Variants in SHISA9 observed in about 807,000 individuals in gnomAD.
SHISA9 encodes shisa family member 9, also known as protein shisa-9.
SHISA9 carries 13 observed loss-of-function variants against 38.0 expected under a neutral mutation model. That is an observed-to-expected ratio of 0.34 (90% CI 0.22 to 0.54). SHISA9 has a LOEUF of 0.54. Among genes scored for constraint, SHISA9 ranks in the 20% least tolerant of loss-of-function variants. The pLI, the probability that SHISA9 is intolerant of heterozygous loss-of-function variation, is 0.91. For synonymous variants in SHISA9, 275 were observed against 242.0 expected, an observed-to-expected ratio of 1.14 and a Z score of -1.27; for missense variants, 538 against 575.8, an observed-to-expected ratio of 0.93 and a Z score of 0.67.
the SHISA9 span, among the ~76,000 whole-genome samples, chr16:13,451,230 C>G: frequency 1.3e-5 from 2 of 152,152 alleles, no homozygotes; most frequent in South Asian, 4.1e-4. Context: ...TCCAGCTGCC[C>G]CGTGGTAACT....
chr16:13,037,551 A>G (rs761086701), intron 2 of SHISA9, among the ~76,000 whole-genome samples: 6 of 151,954 alleles, frequency 3.9e-5, no homozygotes, highest in Non-Finnish European at 7.4e-5. Flanking sequence ...GAATGGGGGC[A>G]GAGATGAACT....
At chr16:13,515,861 A>G in the SHISA9 span, among the ~76,000 whole-genome samples, 3 of 152,226 alleles carry the variant, frequency 2.0e-5, no homozygotes, top group African/African-American at 7.2e-5. Flanking sequence ...AAACAGCTAT[A>G]ATATACTGAG....
intron 2 of SHISA9, among the ~76,000 whole-genome samples, chr16:13,035,262 C>A (rs557079293): frequency 6.6e-6 from 1 of 152,298 alleles, no homozygotes; most frequent in East Asian, 1.9e-4. Flanking sequence ...GTAGGTTGCA[C>A]TAGCTCTATT....
chr16:13,562,463 C>T, the SHISA9 span, among the ~76,000 whole-genome samples: 1 of 151,970 alleles, frequency 6.6e-6, no homozygotes, highest in Non-Finnish European at 1.5e-5. Flanking sequence ...AACCCCATCT[C>T]TACTAAAAAT....
rs536282973 is a variant in SHISA9 at position 13,240,368 on chromosome 16, C to T, written c.*4959C>T. On this transcript the variant is annotated 3_prime_UTR_variant, in exon 5 of 5. Transcript: ENST00000558583. ...GTTTATTTGTAAACATATGTATTCA[C>T]TATATTAATATGAATTTCTTACCTG... The T allele has an allele frequency of 5.3e-5, 8 of 152,170 alleles. No homozygotes were observed. Among genetic ancestry groups the T allele is most frequent in the Non-Finnish European group, 1.2e-4 (8 of 68,034 alleles). The allele number at this position is 152,170 out of a possible 1,614,324, so 9.4% of individuals were successfully genotyped here. A position where few individuals can be genotyped will look rare whatever the true frequency, so the allele number is the denominator to read the frequency against.
chr16:13,485,660 C>G, the SHISA9 span, among the ~76,000 whole-genome samples: 2 of 152,128 alleles, frequency 1.3e-5, no homozygotes, highest in African/African-American at 4.8e-5. Flanking sequence ...CATTTCAATT[C>G]TTCTCTTCTA....
the SHISA9 span, among the ~76,000 whole-genome samples, chr16:13,266,540 C>T: frequency 6.6e-6 from 1 of 152,118 alleles, no homozygotes; most frequent in Admixed American, 6.5e-5. Context: ...GCAGCATTCC[C>T]ACAGGTACTG....
At chr16:13,329,045 C>T in the SHISA9 span, among the ~76,000 whole-genome samples, 1 of 152,050 alleles carries the variant, frequency 6.6e-6, no homozygotes, top group East Asian at 1.9e-4. Flanking sequence ...TTAAAAATGG[C>T]GCCTCCATCT....
chr16:13,101,129 T>G (rs548051220), intron 2 of SHISA9, among the ~76,000 whole-genome samples: 1 of 152,134 alleles, frequency 6.6e-6, no homozygotes, highest in Non-Finnish European at 1.5e-5. Context: ...GAGAGGGAAG[T>G]GGGGAGATAT....
At chr16:13,539,501 T>G in the SHISA9 span, among the ~76,000 whole-genome samples, 1 of 151,672 alleles carries the variant, frequency 6.6e-6, no homozygotes, top group Non-Finnish European at 1.5e-5. Flanking sequence ...CTGTTGACAT[T>G]AGCATGTCAT....
the SHISA9 span, among the ~76,000 whole-genome samples, chr16:13,413,670 T>C: frequency 7.3e-6 from 1 of 137,812 alleles, no homozygotes; most frequent in Admixed American, 8.3e-5. Context: ...CACAGGAAAA[T>C]TGCTAGAACC....
At chr16:13,000,788 G>T (rs912361341) in intron 2 of SHISA9, among the ~76,000 whole-genome samples, 1 of 152,122 alleles carries the variant, frequency 6.6e-6, no homozygotes, top group African/African-American at 2.4e-5. Flanking sequence ...TTACCCCCTT[G>T]GCATTTAAAC....
At chr16:12,999,525 GT>G (rs1173722858) in intron 2 of SHISA9, among the ~76,000 whole-genome samples, 1 of 152,156 alleles carries the variant, frequency 6.6e-6, no homozygotes, top group Non-Finnish European at 1.5e-5. Context: ...ACTGTACTTG[GT>G]TTTTATCTTA....
chr16:13,205,140 A>C (rs1010729954), intron 3 of SHISA9, among the ~76,000 whole-genome samples: 1 of 152,276 alleles, frequency 6.6e-6, no homozygotes, highest in Admixed American at 6.5e-5. Flanking sequence ...CCCCAGGTCC[A>C]CCCTGGAGAT....
intron 2 of SHISA9, among the ~76,000 whole-genome samples, chr16:13,142,002 C>G (rs928391846): frequency 2.0e-5 from 3 of 151,808 alleles, no homozygotes; most frequent in Admixed American, 1.3e-4. Flanking sequence ...AGGAAATTAA[C>G]TCAGATTGTA....
the SHISA9 span, among the ~76,000 whole-genome samples, chr16:13,536,513 A>T: frequency 1.3e-3 from 202 of 152,338 alleles, 1 homozygote; most frequent in Non-Finnish European, 2.3e-3. Context: ...TATAAGAACA[A>T]ACGAATAAGC....
intron 2 of SHISA9, among the ~76,000 whole-genome samples, chr16:13,089,957 C>G (rs2073756270): frequency 6.6e-6 from 1 of 152,198 alleles, no homozygotes; most frequent in Admixed American, 6.5e-5. Context: ...AAATTTCCCT[C>G]TACACACTGC....
intron 2 of SHISA9, among the ~76,000 whole-genome samples, chr16:13,075,472 C>T (rs2141928484): frequency 6.6e-6 from 1 of 152,206 alleles, no homozygotes. Flanking sequence ...GGTGCACCTC[C>T]TGCCTGCAAG....
At chr16:13,362,484 A>G in the SHISA9 span, among the ~76,000 whole-genome samples, 1 of 152,162 alleles carries the variant, frequency 6.6e-6, no homozygotes, top group Non-Finnish European at 1.5e-5. Context: ...TGGTGATGGC[A>G]AAGATGGGGG....
Sources: gnomAD v4.1 joint callset for allele counts (sites outside exome capture counted in the v4.1 genomes callset) on GRCh38, gnomAD v4.1.1 for gene constraint, MANE v1.5 for transcripts, NCBI Gene and HGNC (gene_info 2026-07-23, HGNC 2026-07-21) for gene names.